CYTH3: variants seen among roughly 807,000 people sequenced by gnomAD.
CYTH3 encodes cytohesin 3, also known as cytohesin-3.
CYTH3 carries 23 observed loss-of-function variants against 55.1 expected under a neutral mutation model. The ratio of observed to expected loss-of-function variants is 0.42; its 90% CI spans 0.30 to 0.59. The LOEUF is 0.59. CYTH3 is among the 20% of genes least tolerant of loss of function. The pLI, the probability that CYTH3 is intolerant of heterozygous loss-of-function variation, is 0.20. For synonymous variants in CYTH3, 249 were observed against 194.9 expected (o/e 1.28, Z -2.31); for missense variants, 413 against 524.8 (o/e 0.79, Z 2.08).
At chr7:6,216,676 G>C (rs1784433657) in intron 1 of CYTH3, among the ~76,000 whole-genome samples, 1 of 151,966 alleles carries the variant, frequency 6.6e-6, no homozygotes, top group African/African-American at 2.4e-5. Flanking sequence ...GGGAGGCAGA[G>C]GTTGCAGTCA....
chr7:6,251,976 C>T (rs1453668403), intron 1 of CYTH3, among the ~76,000 whole-genome samples: 3 of 152,176 alleles, frequency 2.0e-5, no homozygotes, highest in Admixed American at 1.3e-4. Context: ...GTCTTATGAT[C>T]ATTACATTGA....
intron 4 of CYTH3, among the ~76,000 whole-genome samples, chr7:6,184,521 T>C (rs1380821359): frequency 6.6e-6 from 1 of 152,188 alleles, no homozygotes; most frequent in Non-Finnish European, 1.5e-5. Context: ...TTCATAGGCA[T>C]GAAGAAAAGT....
intron 1 of CYTH3, among the ~76,000 whole-genome samples, chr7:6,254,907 G>C (rs755755968): frequency 6.6e-6 from 1 of 152,076 alleles, no homozygotes; most frequent in Non-Finnish European, 1.5e-5. Flanking sequence ...CTGTAGATTT[G>C]AACATTTTCA....
intron 1 of CYTH3, among the ~76,000 whole-genome samples, chr7:6,260,081 G>A (rs1455629118): frequency 6.6e-6 from 1 of 150,408 alleles, no homozygotes; most frequent in Non-Finnish European, 1.5e-5. Flanking sequence ...CACCCTCCTC[G>A]GCCTCCCAAA....
At chr7:6,254,977 C>T (rs1780061875) in intron 1 of CYTH3, among the ~76,000 whole-genome samples, 3 of 152,174 alleles carry the variant, frequency 2.0e-5, no homozygotes, top group Admixed American at 2.0e-4. Flanking sequence ...AGTTATTCCT[C>T]AGCCCAAATA....
At chr7:6,266,785 A>G (rs1780503971) in intron 1 of CYTH3, among the ~76,000 whole-genome samples, 1 of 152,202 alleles carries the variant, frequency 6.6e-6, no homozygotes, top group South Asian at 2.1e-4. Flanking sequence ...CACATCTAGC[A>G]TAATACATGA....
chr7:6,225,984 C>G (rs1200099599), intron 1 of CYTH3, among the ~76,000 whole-genome samples: 1 of 152,076 alleles, frequency 6.6e-6, no homozygotes. Flanking sequence ...CCACACACAG[C>G]CTGAAATTTT....
intron 1 of CYTH3, among the ~76,000 whole-genome samples, chr7:6,250,456 A>T (rs896499554): frequency 6.6e-6 from 1 of 152,194 alleles, no homozygotes; most frequent in African/African-American, 2.4e-5. Context: ...CACTCCCAAC[A>T]CTAAAACCAA....
rs918111088 is a variant in CYTH3, at chr7:6,167,331, G to A, written c.824-1521C>T. ...AGTCCTCCAGTGAGCAGTGAGAGGT[G>A]TTCTATGTCCCCGAGACCCTAGGGA... On this transcript the variant is annotated intron_variant, in intron 9 of 12. Coordinates refer to ENST00000350796, the MANE Select transcript of CYTH3 (RefSeq NM_004227.4). The surrounding 1 kb of genome is among the most constrained non-coding windows in gnomAD (Gnocchi z 5.5). 2.6e-5 allele frequency among the ~76,000 whole-genome samples: 4 copies of A among 152,306 alleles called. No individual in the cohort carries two copies. The highest frequency in any genetic ancestry group is 9.6e-5 in the African/African-American group (4 of 41,570).
rs1313392794 is a variant in CYTH3, at chr7:6,272,613, C to T, written c.-106G>A. ...CGCAGGCGACCGGGCGGCTCCTCAG[C>T]GCGCGGCCCGGGTCGCGGCCGGGCC... is the stretch of plus-strand genomic sequence containing the variant. On this transcript the variant is annotated 5_prime_UTR_variant, in exon 1 of 13. Transcript: ENST00000350796. 19 of 875,060 alleles carry T rather than the reference C, an allele frequency of 2.2e-5. 1 individual carries two copies. Among genetic ancestry groups the T allele is most frequent in the East Asian group, 7.9e-5 (1 of 12,606 alleles). The allele number at this position is 875,060 out of a possible 1,614,324, so 54.2% of individuals were successfully genotyped here.
At chr7:6,251,101 C>T (rs757054851) in intron 1 of CYTH3, among the ~76,000 whole-genome samples, 4 of 152,086 alleles carry the variant, frequency 2.6e-5, no homozygotes, top group Non-Finnish European at 4.4e-5. Flanking sequence ...ATGGTAAAAC[C>T]CCATCTCCAC....
chr7:6,187,085 T>G lies in CYTH3; in HGVS notation c.214A>C (p.Met72Leu). 6.2e-7 allele frequency: 1 copy of G among 1,614,208 alleles called. No homozygotes were observed. The highest frequency in any genetic ancestry group is 8.5e-7 in the Non-Finnish European group (1 of 1,180,018). The part of the protein sequence containing the change: ...KTTQRNKQIA[M>L]GRKKFNMDPK... ...TCCATGTTGAATTTCTTTCTTCCCA[T>G]GGCTATCTGTTTGTTCCTCTGAGTC... Residue 72 changes from methionine (M) to leucine (L), a missense_variant, in exon 4 of 13, where the codon ATG becomes CTG. Transcript: ENST00000350796.
At chr7:6,189,131 CG>C (rs761810730) in intron 2 of CYTH3, among the ~76,000 whole-genome samples, 5 of 152,146 alleles carry the variant, frequency 3.3e-5, no homozygotes, top group Non-Finnish European at 7.4e-5. Context: ...AAGCCCCAAA[CG>C]GAAGGAGCCA....
chr7:6,204,734 C>T (rs1364512521), intron 1 of CYTH3, among the ~76,000 whole-genome samples: 1 of 152,162 alleles, frequency 6.6e-6, no homozygotes, highest in African/African-American at 2.4e-5. Flanking sequence ...CCCATGGCTC[C>T]CCAATCAAAT....
At position 6,187,617 on chromosome 7, in the gene CYTH3, A is replaced by C. The variant is rs756649401; in HGVS notation, c.182+40T>G. 2.1e-5 allele frequency: 33 copies of C among 1,561,872 alleles called. 2 individuals carry two copies. In the South Asian group the frequency reaches 3.4e-4, roughly 16 times the overall value. ...TGACTACAGGATGGAGGTAGAAAGA[A>C]AAGAGTAAATAGCTTAAAGGTGTAG... On this transcript the variant is annotated intron_variant, in intron 3 of 12. Coordinates refer to ENST00000350796, the MANE Select transcript of CYTH3 (RefSeq NM_004227.4).
chr7:6,262,276 C>A (rs2115063261), intron 1 of CYTH3, among the ~76,000 whole-genome samples: 1 of 152,256 alleles, frequency 6.6e-6, no homozygotes, highest in Admixed American at 6.5e-5. Flanking sequence ...GCAGCAGAAG[C>A]AATCAATGAA....
chr7:6,269,830 G>C (rs1780604977), intron 1 of CYTH3, among the ~76,000 whole-genome samples: 1 of 152,142 alleles, frequency 6.6e-6, no homozygotes. Flanking sequence ...AAAATAGCAA[G>C]TAGGAATCAA....
At position 6,187,856 on chromosome 7, in the gene CYTH3, C is replaced by T. The variant is rs185067260; in HGVS notation, c.118-135G>A. The T allele has an allele frequency of 1.8e-4, 132 of 729,354 alleles. No individual in the cohort carries two copies. In the African/African-American group the frequency reaches 2.1e-3, roughly 12 times the overall value. The allele number at this position is 729,354 out of a possible 1,614,324, so 45.2% of individuals were successfully genotyped here. A position where few individuals can be genotyped will look rare whatever the true frequency, so the allele number is the denominator to read the frequency against. ...CATCACAGGGATGGAAAAACCAATA[C>T]TATTATCAATACAGCTAGAGCTTCA... On this transcript the variant is annotated intron_variant, in intron 2 of 12. Transcript: ENST00000350796.
chr7:6,261,374 A>G (rs1165788484), intron 1 of CYTH3, among the ~76,000 whole-genome samples: 1 of 152,176 alleles, frequency 6.6e-6, no homozygotes. Context: ...TAAAGGCTAT[A>G]ACCTAGAAGA....
Sources: allele counts gnomAD v4.1 joint callset (sites outside exome capture counted in the v4.1 genomes callset), GRCh38; gene constraint gnomAD v4.1.1; non-coding constraint Gnocchi (gnomAD v3.1); transcripts MANE v1.5; gene names NCBI Gene and HGNC (gene_info 2026-07-23, HGNC 2026-07-21).